The following NEMF variants were observed in gnomAD, a reference collection of about 807,000 sequenced individuals.
NEMF encodes ribosome quality control complex subunit NEMF.
NEMF carries 89 observed loss-of-function variants against 162.2 expected under a neutral mutation model. That is an observed-to-expected ratio of 0.55 (90% confidence interval 0.46 to 0.65). NEMF has a LOEUF of 0.65. Among genes scored for constraint, NEMF ranks in the 30% least tolerant of loss-of-function variants. The pLI is 0.00. For missense variants in NEMF, 1,133 were observed against 1,261.9 expected, an observed-to-expected ratio of 0.90 and a Z score of 1.55; for synonymous variants, 421 against 404.5, an observed-to-expected ratio of 1.04 and a Z score of -0.49.
chr14:49,843,356 T>C (rs571936452), intron 4 of NEMF, among the ~76,000 whole-genome samples: 1 of 152,186 alleles, frequency 6.6e-6, no homozygotes, highest in Admixed American at 6.5e-5. Flanking sequence ...TGGCCAGGCA[T>C]GGTGGTGCAC....
At chr14:49,828,887 T>C (rs1222126544) in intron 13 of NEMF, 80 bp from the exon 14 acceptor site, 1 of 1,323,982 alleles carries the variant, frequency 7.6e-7, no homozygotes, top group Non-Finnish European at 1.0e-6. Flanking sequence ...AATAAAATTA[T>C]AAATGGTTTA....
At chr14:49,785,360 C>G (rs578083159) in intron 29 of NEMF, 40 bp from the exon 30 acceptor site, 6 of 1,389,576 alleles carry the variant, frequency 4.3e-6, no homozygotes, top group Non-Finnish European at 5.1e-6. Context: ...CAATTTATAC[C>G]GCCCTTTACA....
At chr14:49,810,959 A>G (rs1035380229) in intron 18 of NEMF, among the ~76,000 whole-genome samples, 1 of 152,306 alleles carries the variant, frequency 6.6e-6, no homozygotes, top group Admixed American at 6.5e-5. Flanking sequence ...ACTTTATTAC[A>G]GCCTGGGTGA....
intron 16 of NEMF, among the ~76,000 whole-genome samples, chr14:49,822,139 C>T (rs1400977745): frequency 6.6e-6 from 1 of 151,874 alleles, no homozygotes; most frequent in African/African-American, 2.4e-5. Context: ...ATCACCACTC[C>T]CCAATCTCAA....
intron 18 of NEMF, among the ~76,000 whole-genome samples, chr14:49,809,960 G>A (rs1891393369): frequency 6.6e-6 from 1 of 152,074 alleles, no homozygotes; most frequent in South Asian, 2.1e-4. Context: ...GTTCTGGTGG[G>A]GGATATCGAT....
At chr14:49,809,877 C>T (rs1006188677) in intron 18 of NEMF, among the ~76,000 whole-genome samples, 1 of 151,486 alleles carries the variant, frequency 6.6e-6, no homozygotes, top group African/African-American at 2.4e-5. Flanking sequence ...AGAGAGTGAA[C>T]TCTAATGCAA....
At chr14:49,824,214 A>G (rs191126151) in intron 16 of NEMF, among the ~76,000 whole-genome samples, 1 of 151,898 alleles carries the variant, frequency 6.6e-6, no homozygotes, top group Non-Finnish European at 1.5e-5. Flanking sequence ...AAATAATACC[A>G]GATTTCTCAA....
At chr14:49,804,008 CTTTT>C (rs777983337) in intron 19 of NEMF, among the ~76,000 whole-genome samples, 1 of 139,604 alleles carries the variant, frequency 7.2e-6, no homozygotes, top group Non-Finnish European at 1.6e-5. Context: ...AAAGTTTTGC[CTTTT>C]TTTTTTTTTT....
In NEMF at chr14:49,831,880, G is replaced by C. The variant is rs114152691; in HGVS notation, c.882+171C>G. 6.3e-3 allele frequency among the ~76,000 whole-genome samples: 965 copies of C among 152,330 alleles called. 8 individuals carry two copies. The highest frequency in any genetic ancestry group is 0.02 in the Middle Eastern group (6 of 294). On this transcript the variant is annotated intron_variant, in intron 10 of 32. Coordinates refer to ENST00000298310, the MANE Select transcript of NEMF (RefSeq NM_004713.6). Reference sequence around the variant, plus strand: ...CTCTGGTCCTTCATCCTGAAATAAAGTGGCAACAATTATTTCCAACAGCTG... The same window carrying C: ...CTCTGGTCCTTCATCCTGAAATAAACTGGCAACAATTATTTCCAACAGCTG...
At chr14:49,805,869 G>T in intron 19 of NEMF, 152 bp downstream of exon 19, 1 of 475,208 alleles carries the variant, frequency 2.1e-6, no homozygotes. Flanking sequence ...CTATTTTATG[G>T]CACTTATTAC....
Position 49,802,651 on chromosome 14 carries a change from C to G in NEMF, c.1974+18G>C, listed in dbSNP as rs770020523. 1.2e-6 allele frequency: 2 copies of G among 1,610,602 alleles called. No homozygotes were observed. The highest frequency in any genetic ancestry group is 8.5e-7 in the Non-Finnish European group (1 of 1,178,708). ...ATCAGGAAAAAAACAAATAAATAACCAAGAAGTTGAAGAGTACCTTAAAAA... is the reference window on the plus strand; with the variant it reads ...ATCAGGAAAAAAACAAATAAATAACGAAGAAGTTGAAGAGTACCTTAAAAA... On this transcript the variant is annotated intron_variant, in intron 21 of 32. Coordinates refer to ENST00000298310, the MANE Select transcript of NEMF (RefSeq NM_004713.6).
In NEMF at chr14:49,782,921, A is replaced by T. The variant is rs1415360596; in HGVS notation, c.*1715T>A. The T allele has an allele frequency of 1.2e-6, 2 of 1,613,374 alleles. No homozygotes were observed. The highest frequency in any genetic ancestry group is 4.5e-5 in the East Asian group (2 of 44,838). On this transcript the variant is annotated 3_prime_UTR_variant, in exon 33 of 33. Coordinates refer to ENST00000298310, the MANE Select transcript of NEMF (RefSeq NM_004713.6). ...ACACTTACTTCACAGTGTTAATCAG[A>T]GGTTTGGTAGTAACAACACTTCTGG...
intron 4 of NEMF, chr14:49,844,973 T>G (rs1025941861): frequency 2.1e-5 from 4 of 193,200 alleles, no homozygotes; most frequent in Non-Finnish European, 4.6e-5. Context: ...TTTGCCACAT[T>G]GGGCAGGCTG....
At chr14:49,852,669 G>A (rs373154625) in intron 1 of NEMF, 26 bp downstream of exon 1, 35 of 1,613,394 alleles carry the variant, frequency 2.2e-5, no homozygotes, top group Middle Eastern at 1.6e-4. Flanking sequence ...CTCCCCACAC[G>A]AGCCTCGTCA....
intron 4 of NEMF, among the ~76,000 whole-genome samples, chr14:49,842,864 G>C (rs1893283440): frequency 6.6e-6 from 1 of 152,126 alleles, no homozygotes; most frequent in Non-Finnish European, 1.5e-5. Context: ...AAACTAGCTG[G>C]GCGTGGTGGC....
intron 18 of NEMF, among the ~76,000 whole-genome samples, chr14:49,811,825 C>T (rs1393526104): frequency 6.6e-6 from 1 of 152,100 alleles, no homozygotes; most frequent in Non-Finnish European, 1.5e-5. Context: ...TAATATGCTG[C>T]TAGATTCAGT....
Position 49,832,031 on chromosome 14 carries a change from G to C in NEMF, c.882+20C>G. On this transcript the variant is annotated intron_variant, in intron 10 of 32. Transcript: ENST00000298310. ...ATATCATGCTAACTAACTGGTAAAG[G>C]AACAGAACGGAAAACCCACCTTGTC... is the stretch of plus-strand genomic sequence containing the variant. 6.4e-7 allele frequency: 1 copy of C among 1,552,328 alleles called. No individual in the cohort carries two copies. Among genetic ancestry groups the C allele is most frequent in the East Asian group, 2.3e-5 (1 of 44,340 alleles).
In NEMF at chr14:49,840,997, G is replaced by A. The variant is rs142842486; in HGVS notation, c.358-131C>T. 170 of 676,118 alleles carry A rather than the reference G, an allele frequency of 2.5e-4. No homozygotes were observed. The African/African-American group carries it at 2.9e-3, about 12-fold the overall frequency. The allele number at this position is 676,118 out of a possible 1,614,324, so 41.9% of individuals were successfully genotyped here. ...AGATCACTTGAGGTCAGGACTTTGA[G>A]ACCAGCCTGGCCAACATGGTGAAAT... On this transcript the variant is annotated intron_variant, in intron 4 of 32. Coordinates refer to ENST00000298310, the MANE Select transcript of NEMF (RefSeq NM_004713.6).
intron 13 of NEMF, 122 bp from the exon 14 acceptor site, chr14:49,828,929 C>T: frequency 8.6e-6 from 11 of 1,277,490 alleles, no homozygotes; most frequent in Non-Finnish European, 1.2e-5. Context: ...TTATTTTAAT[C>T]TAAATTAGTT....
Sources: gnomAD v4.1 joint callset for allele counts (sites outside exome capture counted in the v4.1 genomes callset) on GRCh38, gnomAD v4.1.1 for gene constraint, MANE v1.5 for transcripts, NCBI Gene and HGNC (gene_info 2026-07-23, HGNC 2026-07-21) for gene names.